Variants in TCF24 observed in about 807,000 individuals in gnomAD.
The protein encoded by TCF24 is transcription factor 24.
In TCF24, 5 loss-of-function variants were observed where a neutral mutation model predicts 9.3. That is an observed-to-expected ratio of 0.54 (90% CI 0.28 to 1.13). TCF24 has a LOEUF of 1.13. Among genes scored for constraint, TCF24 ranks in the 50% most tolerant of loss-of-function variants. The pLI, the probability that TCF24 is intolerant of heterozygous loss-of-function variation, is 0.09. For synonymous variants in TCF24, 110 were observed against 115.8 expected (o/e 0.95, Z 0.32); for missense variants, 220 against 236.1 (o/e 0.93, Z 0.45).
intron 3 of TCF24, among the ~76,000 whole-genome samples, chr8:66,959,177 T>G (rs1814215509): frequency 6.6e-6 from 1 of 152,068 alleles, no homozygotes; most frequent in African/African-American, 2.4e-5. Flanking sequence ...TTAAAGTAAA[T>G]CCCCAACAGT....
chr8:66,957,417 C>A (rs1271716573), intron 3 of TCF24, among the ~76,000 whole-genome samples: 15 of 108,486 alleles, frequency 1.4e-4, no homozygotes, highest in South Asian at 3.3e-4. Flanking sequence ...AACTCCATAT[C>A]AAAAAAAAAA....
chr8:66,949,085 A>T (rs1399851858), intron 3 of TCF24, among the ~76,000 whole-genome samples: 2 of 152,112 alleles, frequency 1.3e-5, no homozygotes, highest in East Asian at 3.8e-4. Context: ...ATGTATTGAC[A>T]TCATCTAGCT....
chr8:66,957,920 A>G (rs2130901644), intron 3 of TCF24, among the ~76,000 whole-genome samples: 1 of 151,276 alleles, frequency 6.6e-6, no homozygotes, highest in African/African-American at 2.4e-5. Flanking sequence ...AAAAAAAAAA[A>G]AAAAGAATTG....
rs1387145162 is a variant in TCF24 at position 66,961,609 on chromosome 8, C to T, written c.157G>A (p.Ala53Thr). The part of the protein sequence containing the change: ...SRSGSGRPAA[A>T]NAARERSRVQ... ...CGGCTGCGCTCCCGCGCCGCATTCG[C>T]CGCCGCCGGCCGCCCGCTCCCGGAA... Residue 53 changes from alanine to threonine, a missense_variant, in exon 3 of 4, where the codon GCG becomes ACG. By Grantham distance (58) the Ala-to-Thr change is moderately conservative. Coordinates refer to ENST00000563496, the MANE Select transcript of TCF24 (RefSeq NM_001193502.2). The T allele has an allele frequency of 7.0e-6, 9 of 1,287,092 alleles. No individual in the cohort carries two copies. Among genetic ancestry groups the T allele is most frequent in the Non-Finnish European group, 8.8e-6 (9 of 1,019,898 alleles). 79.7% of individuals were successfully genotyped at this position (1,287,092 alleles called of 1,614,324 possible).
chr8:66,961,344 C>T, intron 3 of TCF24, 32 bp downstream of exon 3: 1 of 1,425,928 alleles, frequency 7.0e-7, no homozygotes, highest in Non-Finnish European at 9.1e-7. Flanking sequence ...CTGGTCTCGG[C>T]CCCAGCCCCG....
intron 3 of TCF24, among the ~76,000 whole-genome samples, chr8:66,952,677 C>A (rs1161971786): frequency 1.4e-5 from 2 of 147,856 alleles, no homozygotes. Flanking sequence ...GTTGATCTGT[C>A]TAATGTTGAC....
chr8:66,959,699 T>C (rs949346854), intron 3 of TCF24, among the ~76,000 whole-genome samples: 1 of 152,256 alleles, frequency 6.6e-6, no homozygotes, highest in African/African-American at 2.4e-5. Context: ...CAATAAATGT[T>C]TGATTTTAAA....
Position 66,961,382 on chromosome 8 carries a change from C to CG in TCF24, c.383dup (p.Val129GlyfsTer31). 6.7e-7 allele frequency: 1 copy of CG among 1,492,100 alleles called. No homozygotes were observed. Among genetic ancestry groups the CG allele is most frequent in the Non-Finnish European group, 8.9e-7 (1 of 1,127,518 alleles). The allele number at this position is 1,492,100 out of a possible 1,614,324, so 92.4% of individuals were successfully genotyped here. On this transcript the variant is annotated frameshift_variant, in exon 3 of 4. Transcript: ENST00000563496. LOFTEE classifies it high-confidence loss of function. ...GTGCGCCCCGCCCGCTTACCTTGAC[C>CG]GGGTGCAGGTAGCCATCGCCGCGCA...
intron 3 of TCF24, among the ~76,000 whole-genome samples, chr8:66,951,577 C>A (rs1011207936): frequency 5.3e-5 from 8 of 152,122 alleles, no homozygotes; most frequent in Admixed American, 3.9e-4. Context: ...TGTCTCTGCC[C>A]GGCTTTGGTA....
rs1159215093 is a variant in TCF24 at position 66,961,606 on chromosome 8, TCGC to T, written c.157_159del (p.Ala53del). On this transcript the variant is annotated inframe_deletion, in exon 3 of 4. Coordinates refer to ENST00000563496, the MANE Select transcript of TCF24 (RefSeq NM_001193502.2). ...ACCCGGCTGCGCTCCCGCGCCGCAT[TCGC>T]CGCCGCCGGCCGCCCGCTCCCGGAA... The T allele has an allele frequency of 2.3e-6, 3 of 1,301,478 alleles. No homozygotes were observed. Among genetic ancestry groups the T allele is most frequent in the East Asian group, 3.1e-5 (1 of 32,162 alleles). 80.6% of individuals were successfully genotyped at this position (1,301,478 alleles called of 1,614,324 possible).
intron 3 of TCF24, among the ~76,000 whole-genome samples, chr8:66,960,396 G>GT (rs1298942329): frequency 6.6e-6 from 1 of 151,980 alleles, no homozygotes; most frequent in Non-Finnish European, 1.5e-5. Flanking sequence ...TTAAAGCTAA[G>GT]TCTTAAGTCT....
intron 3 of TCF24, among the ~76,000 whole-genome samples, chr8:66,958,803 C>T (rs1432466649): frequency 6.6e-6 from 1 of 152,180 alleles, no homozygotes; most frequent in Non-Finnish European, 1.5e-5. Flanking sequence ...CTGTGTTTTT[C>T]TGCCAATGTA....
rs1042325559 is a variant in TCF24, at chr8:66,947,926, C to T, written c.*125G>A. ...CATTTAGACAGATAAACCTGAACAT[C>T]CAACTATGGGTTCACATGTAAACTT... On this transcript the variant is annotated 3_prime_UTR_variant, in exon 4 of 4. Transcript: ENST00000563496. The T allele has an allele frequency of 6.4e-6, 4 of 624,566 alleles. No individual in the cohort carries two copies. The highest frequency in any genetic ancestry group is 5.3e-6 in the Non-Finnish European group (2 of 379,852). The allele number at this position is 624,566 out of a possible 1,614,324, so 38.7% of individuals were successfully genotyped here.
chr8:66,960,268 T>C (rs1453153817), intron 3 of TCF24, among the ~76,000 whole-genome samples: 1 of 152,192 alleles, frequency 6.6e-6, no homozygotes, highest in African/African-American at 2.4e-5. Context: ...TTTAAGTCTA[T>C]CATTATGATT....
chr8:66,947,963 G>A lies in TCF24; in HGVS notation c.*88C>T, dbSNP rs1416881888. On this transcript the variant is annotated 3_prime_UTR_variant, in exon 4 of 4. Transcript: ENST00000563496. Reference sequence around the variant, plus strand: ...TCACATGTAAACTTTCAGAAATTTTGTTATGTCTCATATAATAAATATAGA... The same window carrying A: ...TCACATGTAAACTTTCAGAAATTTTATTATGTCTCATATAATAAATATAGA... 4 of 974,196 alleles carry A rather than the reference G, an allele frequency of 4.1e-6. No homozygotes were observed. The highest frequency in any genetic ancestry group is 5.8e-6 in the Non-Finnish European group (4 of 692,046). 60.3% of individuals were successfully genotyped at this position (974,196 alleles called of 1,614,324 possible). A position where few individuals can be genotyped will look rare whatever the true frequency, so the allele number is the denominator to read the frequency against.
chr8:66,958,435 TG>T (rs1212556310), intron 3 of TCF24, among the ~76,000 whole-genome samples: 3 of 151,958 alleles, frequency 2.0e-5, no homozygotes, highest in African/African-American at 7.3e-5. Flanking sequence ...GAGGCTGAGG[TG>T]GGTGGATCAT....
chr8:66,957,474 A>G (rs1563407515), intron 3 of TCF24, among the ~76,000 whole-genome samples: 1 of 151,666 alleles, frequency 6.6e-6, no homozygotes, highest in Non-Finnish European at 1.5e-5. Context: ...GTAGAGGCCA[A>G]GTGAGAACAC....
At position 66,961,353 on chromosome 8, in the gene TCF24, C is replaced by G. The variant is rs1814248312; in HGVS notation, c.390+23G>C. The G allele has an allele frequency of 4.2e-6, 6 of 1,434,874 alleles. No individual in the cohort carries two copies. In the East Asian group the frequency reaches 1.7e-4, roughly 42 times the overall value. 88.9% of individuals were successfully genotyped at this position (1,434,874 alleles called of 1,614,324 possible). ...GGTGTCCTGGTCTCGGCCCCAGCCC[C>G]GCGGTGCGCCCCGCCCGCTTACCTT... On this transcript the variant is annotated intron_variant, in intron 3 of 3. Coordinates refer to ENST00000563496, the MANE Select transcript of TCF24 (RefSeq NM_001193502.2).
intron 3 of TCF24, among the ~76,000 whole-genome samples, chr8:66,957,781 T>A (rs1288252219): frequency 6.6e-6 from 1 of 151,132 alleles, no homozygotes; most frequent in Non-Finnish European, 1.5e-5. Context: ...CAAATGTAAA[T>A]TGAGAATTAT....
Sources: gnomAD v4.1 joint callset for allele counts (sites outside exome capture counted in the v4.1 genomes callset) on GRCh38, gnomAD v4.1.1 for gene constraint, MANE v1.5 for transcripts, NCBI Gene and HGNC (gene_info 2026-07-23, HGNC 2026-07-21) for gene names.